Variants in TEAD1 observed in about 807,000 individuals in gnomAD.
TEAD1 encodes the protein TEA domain transcription factor 1, also known as transcriptional enhancer factor TEF-1.
In TEAD1, 9 loss-of-function variants were observed where a neutral mutation model predicts 54.9. The observed-to-expected ratio is 0.16, with a 90% CI of 0.10 to 0.29. TEAD1 has a LOEUF of 0.29. TEAD1 is among the 10% of genes least tolerant of loss of function. The probability of loss-of-function intolerance (pLI) is 1.00; values close to 1 mark genes in which losing one functional copy is unlikely to be tolerated. For missense variants in TEAD1, 387 were observed against 535.9 expected (o/e 0.72, Z 2.74); for synonymous variants, 200 against 187.8 (o/e 1.07, Z -0.53).
chr11:12,830,897 G>A (rs7951667), intron 3 of TEAD1, among the ~76,000 whole-genome samples: 5,552 of 151,972 alleles, frequency 0.037, 368 homozygotes, highest in African/African-American at 0.12. Context: ...GCCCCCATCC[G>A]CTGATTCTCT....
intron 9 of TEAD1, among the ~76,000 whole-genome samples, chr11:12,887,284 A>G (rs1948111397): frequency 6.6e-6 from 1 of 152,004 alleles, no homozygotes; most frequent in African/African-American, 2.4e-5. Context: ...TTTTAGTGAG[A>G]CAGGGTTTCA....
intron 10 of TEAD1, among the ~76,000 whole-genome samples, chr11:12,910,437 C>A (rs1031034243): frequency 5.3e-5 from 8 of 152,004 alleles, no homozygotes; most frequent in Admixed American, 3.9e-4. Flanking sequence ...ACATTATAAC[C>A]CAAAACTATT....
intron 2 of TEAD1, among the ~76,000 whole-genome samples, chr11:12,762,535 G>T (rs1433211737): frequency 3.3e-5 from 5 of 152,142 alleles, no homozygotes; most frequent in Non-Finnish European, 7.3e-5. Flanking sequence ...ACATATGTTG[G>T]TAAGAGGTAG....
Position 12,764,112 on chromosome 11 carries a change from A to G in TEAD1, c.-54-67A>G, listed in dbSNP as rs1945155426. ...AGCTGGTGACTGAAGAACTTGCACTAGAGCTAGCAAGAGCATTATGTTTGT... is the reference window on the plus strand; with the variant it reads ...AGCTGGTGACTGAAGAACTTGCACTGGAGCTAGCAAGAGCATTATGTTTGT... On this transcript the variant is annotated intron_variant, in intron 2 of 12. Transcript: ENST00000527636. 43 of 1,001,338 alleles carry G rather than the reference A, an allele frequency of 4.3e-5. 1 individual carries two copies. In the South Asian group the frequency reaches 6.7e-4, roughly 16 times the overall value. 62.0% of individuals were successfully genotyped at this position (1,001,338 alleles called of 1,614,324 possible).
intron 10 of TEAD1, among the ~76,000 whole-genome samples, chr11:12,919,631 C>G (rs1462783931): frequency 2.6e-5 from 4 of 151,404 alleles, no homozygotes; most frequent in Non-Finnish European, 5.9e-5. Flanking sequence ...GTAGCTGGGA[C>G]TACAGGCACA....
At chr11:12,923,036 TATC>T (rs1338094795) in intron 10 of TEAD1, 2 of 151,940 alleles carry the variant, frequency 1.3e-5, no homozygotes, top group Non-Finnish European at 2.9e-5. Flanking sequence ...AGTCCACATT[TATC>T]ATCTCTCGCT....
chr11:12,871,774 T>A (rs1178427135), intron 5 of TEAD1, among the ~76,000 whole-genome samples: 1 of 151,840 alleles, frequency 6.6e-6, no homozygotes, highest in African/African-American at 2.4e-5. Flanking sequence ...AGTGTATGAC[T>A]CGGGACAAAA....
chr11:12,782,238 TGTG>T (rs1945571705), intron 3 of TEAD1, among the ~76,000 whole-genome samples: 2 of 152,220 alleles, frequency 1.3e-5, no homozygotes, highest in South Asian at 4.1e-4. Context: ...GTAAATAAAA[TGTG>T]GTAATAGCTA....
intron 9 of TEAD1, among the ~76,000 whole-genome samples, chr11:12,886,260 A>T (rs1386850030): frequency 6.6e-6 from 1 of 152,198 alleles, no homozygotes; most frequent in Non-Finnish European, 1.5e-5. Context: ...TACGTTCAGG[A>T]TACATATGAT....
chr11:12,716,247 G>A (rs1305265429), intron 2 of TEAD1, among the ~76,000 whole-genome samples: 2 of 152,058 alleles, frequency 1.3e-5, no homozygotes, highest in East Asian at 1.9e-4. Context: ...AAGCAGAATC[G>A]CTGTGCCCCA....
chr11:12,821,480 A>G (rs747423230), intron 3 of TEAD1, among the ~76,000 whole-genome samples: 6 of 152,236 alleles, frequency 3.9e-5, no homozygotes, highest in Non-Finnish European at 8.8e-5. Flanking sequence ...TAATGTGGAC[A>G]TGGAGAGTTA....
intron 3 of TEAD1, among the ~76,000 whole-genome samples, chr11:12,766,592 A>T (rs1318599450): frequency 6.6e-6 from 1 of 152,192 alleles, no homozygotes; most frequent in African/African-American, 2.4e-5. Context: ...TCACTGAGCA[A>T]GAGGGTCAGT....
intron 12 of TEAD1, among the ~76,000 whole-genome samples, chr11:12,934,234 G>GT (rs2134175283): frequency 6.6e-6 from 1 of 152,264 alleles, no homozygotes; most frequent in South Asian, 2.1e-4. Context: ...CATGTCCTTT[G>GT]TAGGGACGTG....
intron 10 of TEAD1, among the ~76,000 whole-genome samples, chr11:12,911,035 C>T (rs531294385): frequency 6.6e-6 from 1 of 152,284 alleles, no homozygotes; most frequent in Non-Finnish European, 1.5e-5. Context: ...GCGTGAGCCA[C>T]CATGCCTGGC....
In TEAD1 at chr11:12,881,929, C is replaced by T. The variant is rs144884459; in HGVS notation, c.546C>T (p.Ile182=). Residue 182 remains isoleucine (I), a synonymous_variant, in exon 8 of 13, where the codon ATC becomes ATT. Transcript: ENST00000527636. ...CTTTTGTGCAGCAGGCCTACCCCAT[C>T]CAGCCAGCGGTCACAGCCCCCATTC... The T allele has an allele frequency of 1.2e-6, 2 of 1,614,204 alleles. No individual in the cohort carries two copies. Among genetic ancestry groups the T allele is most frequent in the Non-Finnish European group, 1.7e-6 (2 of 1,180,028 alleles).
chr11:12,775,429 C>G (rs1945397441), intron 3 of TEAD1, among the ~76,000 whole-genome samples: 1 of 152,182 alleles, frequency 6.6e-6, no homozygotes, highest in African/African-American at 2.4e-5. Flanking sequence ...CCCCACCGGA[C>G]CCCCACCTCT....
chr11:12,922,901 A>G (rs12284152), intron 10 of TEAD1: 37,409 of 137,904 alleles, frequency 0.27, 5,535 homozygotes, highest in East Asian at 0.39. Flanking sequence ...TCCAGCCTAG[A>G]CGACAGGGCC....
intron 2 of TEAD1, among the ~76,000 whole-genome samples, chr11:12,679,474 G>GT (rs1224694592): frequency 6.6e-6 from 1 of 152,180 alleles, no homozygotes; most frequent in Admixed American, 6.5e-5. Context: ...AGGTTTAGAT[G>GT]TATGTGTAAA....
At chr11:12,862,759 G>A (rs1947533127) in intron 4 of TEAD1, among the ~76,000 whole-genome samples, 1 of 152,190 alleles carries the variant, frequency 6.6e-6, no homozygotes, top group Non-Finnish European at 1.5e-5. Flanking sequence ...CTTGAGTATT[G>A]GCCTGAATGT....
Sources: allele counts gnomAD v4.1 joint callset (sites outside exome capture counted in the v4.1 genomes callset), GRCh38; gene constraint gnomAD v4.1.1; transcripts MANE v1.5; gene names NCBI Gene and HGNC (gene_info 2026-07-23, HGNC 2026-07-21).